Variants in XKR6 observed in about 807,000 individuals in gnomAD.
The protein encoded by XKR6 is XK-related protein 6.
In XKR6, 22 loss-of-function variants were observed where a neutral mutation model predicts 56.7. That is an observed-to-expected ratio of 0.39 (90% confidence interval 0.28 to 0.55). The LOEUF (loss-of-function observed/expected upper bound fraction) is 0.55. Among genes scored for constraint, XKR6 ranks in the 20% least tolerant of loss-of-function variants. XKR6 has a pLI of 0.66. For missense variants in XKR6, 852 were observed against 889.0 expected (o/e 0.96, Z 0.53); for synonymous variants, 524 against 387.8 (o/e 1.35, Z -4.13).
chr8:11,123,878 C>T (rs146209181), intron 1 of XKR6: 2 of 456,184 alleles, frequency 4.4e-6, no homozygotes, highest in South Asian at 1.5e-5. Flanking sequence ...CTGCACTGTG[C>T]TCTCTCTTCT....
At chr8:11,052,926 C>T (rs1040352669) in intron 1 of XKR6, among the ~76,000 whole-genome samples, 9 of 152,188 alleles carry the variant, frequency 5.9e-5, no homozygotes, top group East Asian at 3.9e-4. Flanking sequence ...GCACCTGCAC[C>T]GCTGAAGCCC....
chr8:11,086,555 A>ATGT (rs1797899307), intron 1 of XKR6, among the ~76,000 whole-genome samples: 1 of 152,234 alleles, frequency 6.6e-6, no homozygotes, highest in South Asian at 2.1e-4. Context: ...AGGCAACCCT[A>ATGT]GACTGACAAG....
intron 1 of XKR6, among the ~76,000 whole-genome samples, chr8:11,102,444 G>A (rs1008836673): frequency 2.0e-5 from 3 of 152,142 alleles, no homozygotes; most frequent in African/African-American, 7.2e-5. Context: ...TGCTTCTCAA[G>A]TTCCCCTACC....
At chr8:11,052,850 C>A (rs972589730) in intron 1 of XKR6, among the ~76,000 whole-genome samples, 1 of 152,122 alleles carries the variant, frequency 6.6e-6, no homozygotes, top group African/African-American at 2.4e-5. Context: ...CACTCCCGCA[C>A]CCCTAGCAGG....
At chr8:10,931,729 C>T (rs993203848) in intron 1 of XKR6, among the ~76,000 whole-genome samples, 5 of 151,750 alleles carry the variant, frequency 3.3e-5, no homozygotes, top group Admixed American at 6.6e-5. Context: ...CATAGGTTAA[C>T]GTGTAAAACC....
intron 1 of XKR6, among the ~76,000 whole-genome samples, chr8:11,173,792 T>C (rs1232811244): frequency 6.6e-6 from 1 of 152,106 alleles, no homozygotes; most frequent in Non-Finnish European, 1.5e-5. Context: ...CACTGCCGCC[T>C]CAAGAGAACC....
At chr8:11,039,347 G>A (rs565565778) in intron 1 of XKR6, among the ~76,000 whole-genome samples, 161 of 152,348 alleles carry the variant, frequency 1.1e-3, no homozygotes, top group African/African-American at 3.6e-3. Flanking sequence ...AGAGTGGCTG[G>A]GCAATGAAGC....
At chr8:10,903,900 T>C (rs537885187) in intron 2 of XKR6, among the ~76,000 whole-genome samples, 58 of 151,894 alleles carry the variant, frequency 3.8e-4, no homozygotes, top group Non-Finnish European at 4.7e-4. Context: ...ACAGAAGGAG[T>C]GAGTACAGGT....
chr8:11,015,128 C>A (rs1008053418), intron 1 of XKR6, among the ~76,000 whole-genome samples: 1 of 151,974 alleles, frequency 6.6e-6, no homozygotes, highest in Non-Finnish European at 1.5e-5. Context: ...CTTGGGGGCG[C>A]CTCTGATCGC....
At chr8:10,977,651 A>G (rs1156439422) in intron 1 of XKR6, among the ~76,000 whole-genome samples, 1 of 148,970 alleles carries the variant, frequency 6.7e-6, no homozygotes, top group Non-Finnish European at 1.5e-5. Context: ...GATGAGTGCT[A>G]ATGTCCCTCT....
intron 1 of XKR6, among the ~76,000 whole-genome samples, chr8:10,959,884 C>T (rs550082699): frequency 6.6e-6 from 1 of 152,308 alleles, no homozygotes; most frequent in East Asian, 1.9e-4. Context: ...GGTTCTCCTT[C>T]CAAACATGAG....
chr8:10,955,721 T>A (rs1801867349), intron 1 of XKR6, among the ~76,000 whole-genome samples: 1 of 151,932 alleles, frequency 6.6e-6, no homozygotes, highest in African/African-American at 2.4e-5. Flanking sequence ...GCCAGAAACA[T>A]GGGAATGAGC....
intron 1 of XKR6, among the ~76,000 whole-genome samples, chr8:10,966,397 T>C (rs1273436462): frequency 6.6e-6 from 1 of 151,600 alleles, no homozygotes; most frequent in Non-Finnish European, 1.5e-5. Flanking sequence ...AGGCCGGGCA[T>C]GGTGGCTCAC....
At chr8:11,148,546 A>G (rs1801110767) in intron 1 of XKR6, among the ~76,000 whole-genome samples, 1 of 152,256 alleles carries the variant, frequency 6.6e-6, no homozygotes, top group African/African-American at 2.4e-5. Context: ...CAGAAAGGAT[A>G]TGAAGCAACT....
chr8:10,919,942 T>A (rs1449339679), intron 2 of XKR6, among the ~76,000 whole-genome samples: 2 of 152,232 alleles, frequency 1.3e-5, no homozygotes, highest in African/African-American at 4.8e-5. Context: ...TATGATATAT[T>A]ACTATTATTT....
intron 1 of XKR6, among the ~76,000 whole-genome samples, chr8:10,968,949 T>C (rs1458100567): frequency 1.3e-5 from 2 of 152,190 alleles, no homozygotes; most frequent in East Asian, 3.8e-4. Context: ...CAATTTAGTA[T>C]GTTCAATGAA....
intron 2 of XKR6, among the ~76,000 whole-genome samples, chr8:10,899,675 C>T (rs1004002534): frequency 1.3e-5 from 2 of 152,216 alleles, no homozygotes. Context: ...TGGTTGCCCT[C>T]TGGGTTCAAC....
At chr8:11,056,613 G>A (rs1350952527) in intron 1 of XKR6, among the ~76,000 whole-genome samples, 1 of 152,222 alleles carries the variant, frequency 6.6e-6, no homozygotes, top group African/African-American at 2.4e-5. Flanking sequence ...GGAAGGGCAG[G>A]TCACTGGGGC....
chr8:11,129,046 T>G (rs1287374790), intron 1 of XKR6: 1 of 445,798 alleles, frequency 2.2e-6, no homozygotes, highest in Non-Finnish European at 4.5e-6. Flanking sequence ...AAGCACATCT[T>G]AGGCTTCAAT....
Sources: gnomAD v4.1 joint callset for allele counts (sites outside exome capture counted in the v4.1 genomes callset) on GRCh38, gnomAD v4.1.1 for gene constraint, MANE v1.5 for transcripts, NCBI Gene and HGNC (gene_info 2026-07-23, HGNC 2026-07-21) for gene names.